CNOT6L: variants seen among roughly 807,000 people sequenced by gnomAD.
CNOT6L encodes the protein CCR4-NOT transcription complex subunit 6-like.
Under a neutral mutation model 64.0 loss-of-function variants are expected in CNOT6L, and 7 were observed. The observed-to-expected ratio is 0.11, with a 90% CI of 0.06 to 0.21. CNOT6L has a LOEUF of 0.21. Among genes scored for constraint, CNOT6L ranks in the 10% least tolerant of loss-of-function variants. The pLI, the probability that CNOT6L is intolerant of heterozygous loss-of-function variation, is 1.00. For missense variants in CNOT6L, 245 were observed against 669.0 expected (o/e 0.37, Z 6.99); for synonymous variants, 193 against 243.4 (o/e 0.79, Z 1.93).
At chr4:77,790,394 AC>A (rs773495809) in intron 1 of CNOT6L, among the ~76,000 whole-genome samples, 11 of 152,322 alleles carry the variant, frequency 7.2e-5, no homozygotes, top group Non-Finnish European at 1.5e-4. Context: ...TTTTGTGTAG[AC>A]ATAAGTTTTT....
intron 1 of CNOT6L, 21 bp downstream of exon 1, chr4:77,819,283 G>T: frequency 6.2e-7 from 1 of 1,613,482 alleles, no homozygotes; most frequent in East Asian, 2.2e-5. Context: ...GGTCCTACTC[G>T]GAGGCAAAAG....
intron 4 of CNOT6L, among the ~76,000 whole-genome samples, chr4:77,758,849 T>C (rs940605135): frequency 1.3e-5 from 2 of 152,220 alleles, no homozygotes; most frequent in Non-Finnish European, 2.9e-5. Context: ...TAGTAAGTAC[T>C]ATCTTCAAAG....
intron 10 of CNOT6L, among the ~76,000 whole-genome samples, chr4:77,727,562 C>CAA (rs55848621): frequency 1.8e-4 from 15 of 84,598 alleles, no homozygotes; most frequent in South Asian, 4.5e-4. Flanking sequence ...AACTCTGTCT[C>CAA]AAAAAAAAAA....
Position 77,774,649 on chromosome 4 carries a change from G to A in CNOT6L, c.195C>T (p.Asp65=), listed in dbSNP as rs768519861. The change falls in exon 3 of 12, where the codon GAC becomes GAT. Residue 65 remains aspartate, a synonymous_variant. Transcript: ENST00000504123. ...CAGGTGGAATGCGACTAAGGTAATT[G>A]TCATTTAGGTGCAGCGCTGTCAAGT... ...LTHLTALHLN[D]NYLSRIPPDI... 2.5e-6 allele frequency: 4 copies of A among 1,613,550 alleles called. No individual in the cohort carries two copies. Among genetic ancestry groups the A allele is most frequent in the Non-Finnish European group, 3.4e-6 (4 of 1,179,668 alleles).
In CNOT6L at chr4:77,728,067, C is replaced by A. The variant is rs1722069015; in HGVS notation, c.1252+787G>T. Among the ~76,000 whole-genome samples the A allele has an allele frequency of 1.3e-5, 2 of 151,994 alleles. 1 individual carries two copies. The highest frequency in any genetic ancestry group is 4.8e-5 in the African/African-American group (2 of 41,382). On this transcript the variant is annotated intron_variant, in intron 10 of 11. Coordinates refer to ENST00000504123, the MANE Select transcript of CNOT6L (RefSeq NM_144571.3). ...TAGTCTAATGTTTTCCATTTGATAC[C>A]TAAAATGCAGAAATTATTTTTATAA...
intron 8 of CNOT6L, among the ~76,000 whole-genome samples, chr4:77,739,929 CTG>C (rs1723388918): frequency 1.3e-5 from 2 of 152,168 alleles, no homozygotes; most frequent in South Asian, 4.2e-4. Flanking sequence ...CCTCTCAAAA[CTG>C]TGAGAGTAAT....
At chr4:77,801,468 C>T (rs2110144016) in intron 1 of CNOT6L, among the ~76,000 whole-genome samples, 1 of 152,060 alleles carries the variant, frequency 6.6e-6, no homozygotes, top group East Asian at 1.9e-4. Flanking sequence ...GAATAATTTC[C>T]TTCTTGTTTT....
In CNOT6L at chr4:77,803,597, T is replaced by C. The variant is rs141197820; in HGVS notation, c.5+15707A>G. ...AGGACATCAATAAAATGGATTACAA[T>C]GAAGCCATTAAAAAGCAGGAGGTAG... is the stretch of plus-strand genomic sequence containing the variant. On this transcript the variant is annotated intron_variant, in intron 1 of 11. Coordinates refer to ENST00000504123, the MANE Select transcript of CNOT6L (RefSeq NM_144571.3). Among the ~76,000 whole-genome samples, 108 of 152,236 alleles carry C rather than the reference T, an allele frequency of 7.1e-4. 2 individuals are homozygous for C. In the East Asian group the frequency reaches 0.02, roughly 28 times the overall value.
chr4:77,802,955 A>T (rs928121341), intron 1 of CNOT6L, among the ~76,000 whole-genome samples: 9 of 152,352 alleles, frequency 5.9e-5, no homozygotes, highest in African/African-American at 1.9e-4. Context: ...AGCAAGGCAA[A>T]GACCTTTTAT....
At chr4:77,737,620 C>T (rs1342241404) in intron 8 of CNOT6L, among the ~76,000 whole-genome samples, 2 of 151,706 alleles carry the variant, frequency 1.3e-5, no homozygotes, top group African/African-American at 4.8e-5. Context: ...AGGTTTTCAC[C>T]ATCTTGGCCA....
intron 5 of CNOT6L, among the ~76,000 whole-genome samples, chr4:77,748,999 T>C (rs756525376): frequency 1.8e-4 from 27 of 152,166 alleles, no homozygotes; most frequent in Non-Finnish European, 3.7e-4. Context: ...GAGTTAAGAT[T>C]TAACTACCCC....
At chr4:77,785,426 A>G (rs1336501892) in intron 1 of CNOT6L, among the ~76,000 whole-genome samples, 3 of 152,180 alleles carry the variant, frequency 2.0e-5, no homozygotes, top group Non-Finnish European at 4.4e-5. Flanking sequence ...CTAATAAACT[A>G]AATTTCAAGA....
intron 6 of CNOT6L, among the ~76,000 whole-genome samples, chr4:77,745,338 G>C (rs1338385122): frequency 6.6e-6 from 1 of 152,124 alleles, no homozygotes; most frequent in Non-Finnish European, 1.5e-5. Context: ...ACAAAATTTA[G>C]TTGTAAGAGA....
chr4:77,776,632 T>C (rs9307306), intron 1 of CNOT6L, among the ~76,000 whole-genome samples: 10,418 of 152,292 alleles, frequency 0.068, 500 homozygotes, highest in Non-Finnish European at 0.1. Flanking sequence ...CACTGGACTT[T>C]GCAATGAACA....
chr4:77,757,076 T>C, intron 4 of CNOT6L, 125 bp from the exon 5 acceptor site: 1 of 515,446 alleles, frequency 1.9e-6, no homozygotes, highest in Non-Finnish European at 3.4e-6. Context: ...CTACTATATT[T>C]AATCTATTAT....
chr4:77,801,248 G>C (rs976272465), intron 1 of CNOT6L, among the ~76,000 whole-genome samples: 2 of 152,112 alleles, frequency 1.3e-5, no homozygotes, highest in South Asian at 4.1e-4. Context: ...TTCCCACAAA[G>C]GTAGCAGAGT....
At chr4:77,800,718 A>G (rs1343104821) in intron 1 of CNOT6L, among the ~76,000 whole-genome samples, 1 of 152,214 alleles carries the variant, frequency 6.6e-6, no homozygotes, top group African/African-American at 2.4e-5. Flanking sequence ...TGTATAAGCC[A>G]TATCTGAAAT....
chr4:77,782,589 C>T (rs1266299812), intron 1 of CNOT6L, among the ~76,000 whole-genome samples: 2 of 151,638 alleles, frequency 1.3e-5, no homozygotes, highest in South Asian at 2.1e-4. Flanking sequence ...CATCCTCCTG[C>T]CTTGGCCTCC....
intron 8 of CNOT6L, 153 bp from the exon 9 acceptor site, chr4:77,731,691 G>A: frequency 1.9e-6 from 1 of 527,810 alleles, no homozygotes. Flanking sequence ...CAAGAAGTCT[G>A]ATTATTGTAA....
Sources: gnomAD v4.1 joint callset for allele counts (sites outside exome capture counted in the v4.1 genomes callset) on GRCh38, gnomAD v4.1.1 for gene constraint, MANE v1.5 for transcripts, NCBI Gene and HGNC (gene_info 2026-07-23, HGNC 2026-07-21) for gene names.